The following ERC1 variants were observed in gnomAD, a reference collection of about 807,000 sequenced individuals.
ERC1 encodes ELKS/RAB6-interacting/CAST family member 1, also known as RAB6 interacting protein 2.
In ERC1, 56 loss-of-function variants were observed where a neutral mutation model predicts 132.0. The observed-to-expected ratio is 0.42, with a 90% CI of 0.34 to 0.53. ERC1 has a LOEUF of 0.53. Among genes scored for constraint, ERC1 ranks in the 20% least tolerant of loss-of-function variants. The probability of loss-of-function intolerance (pLI) is 0.03; values close to 1 mark genes in which losing one functional copy is unlikely to be tolerated. For synonymous variants in ERC1, 478 were observed against 476.1 expected, an observed-to-expected ratio of 1.00 and a Z score of -0.05; for missense variants, 1,202 against 1,349.9, an observed-to-expected ratio of 0.89 and a Z score of 1.72.
At chr12:1,387,145 A>C (rs980098782) in intron 16 of ERC1, among the ~76,000 whole-genome samples, 3 of 151,870 alleles carry the variant, frequency 2.0e-5, no homozygotes, top group African/African-American at 7.3e-5. Context: ...TCTGTTTCGC[A>C]TATTGACAGA....
chr12:1,130,182 C>G (rs775375494), intron 7 of ERC1, among the ~76,000 whole-genome samples: 1 of 152,222 alleles, frequency 6.6e-6, no homozygotes, highest in South Asian at 2.1e-4. Context: ...TGTGTGAAGA[C>G]AGAAATTGTA....
intron 15 of ERC1, among the ~76,000 whole-genome samples, chr12:1,333,853 A>G (rs1361159635): frequency 2.0e-5 from 3 of 152,208 alleles, no homozygotes; most frequent in Admixed American, 6.5e-5. Flanking sequence ...TGGTTGAACT[A>G]ATTTACACTC....
At chr12:1,084,123 G>A (rs1343445842) in intron 3 of ERC1, among the ~76,000 whole-genome samples, 2 of 152,198 alleles carry the variant, frequency 1.3e-5, no homozygotes, top group Non-Finnish European at 1.5e-5. Context: ...AGAGAGTGAT[G>A]TAGAGACACA....
At chr12:1,104,026 T>A (rs1326974576) in intron 3 of ERC1, among the ~76,000 whole-genome samples, 1 of 151,710 alleles carries the variant, frequency 6.6e-6, no homozygotes, top group Non-Finnish European at 1.5e-5. Flanking sequence ...TTAGAGACAT[T>A]CACAGAGTCT....
intron 2 of ERC1, among the ~76,000 whole-genome samples, chr12:1,066,571 T>G (rs995066479): frequency 6.6e-6 from 1 of 152,168 alleles, no homozygotes; most frequent in Non-Finnish European, 1.5e-5. Context: ...GTGCGGTGGC[T>G]CACGCCTGTA....
intron 14 of ERC1, among the ~76,000 whole-genome samples, chr12:1,274,919 A>G (rs1371864135): frequency 6.6e-6 from 1 of 152,200 alleles, no homozygotes; most frequent in Non-Finnish European, 1.5e-5. Context: ...GACCCTAATG[A>G]TGGAAATAGT....
intron 4 of ERC1, among the ~76,000 whole-genome samples, chr12:1,106,183 T>G (rs12298564): frequency 0.058 from 8,812 of 152,254 alleles, 862 homozygotes; most frequent in African/African-American, 0.2. Context: ...ACTCATCCAG[T>G]GGGTCGTTTT....
chr12:1,461,655 G>A lies in ERC1; in HGVS notation c.3213+16905G>A, dbSNP rs573515841. Among the ~76,000 whole-genome samples the A allele has an allele frequency of 8.5e-5, 13 of 152,168 alleles. No individual in the cohort carries two copies. In the East Asian group the frequency reaches 1.5e-3, roughly 18 times the overall value. ...GCACTCCAGCCTGGGAGACAAGAGC[G>A]AAACTCTGTCTCAAAAAATAATAAT... On this transcript the variant is annotated intron_variant, in intron 18 of 18. Transcript: ENST00000360905.
chr12:1,338,880 C>T (rs1036507726), intron 15 of ERC1, among the ~76,000 whole-genome samples: 1 of 152,184 alleles, frequency 6.6e-6, no homozygotes, highest in African/African-American at 2.4e-5. Context: ...TGGGCAATGA[C>T]TTTGTTCTCT....
intron 14 of ERC1, among the ~76,000 whole-genome samples, chr12:1,274,393 T>G (rs908548117): frequency 2.0e-5 from 3 of 152,154 alleles, no homozygotes; most frequent in African/African-American, 7.2e-5. Context: ...ATAAAAAAAG[T>G]ATAGTATTTT....
At chr12:1,154,441 A>G (rs1350373866) in intron 8 of ERC1, among the ~76,000 whole-genome samples, 2 of 151,866 alleles carry the variant, frequency 1.3e-5, no homozygotes, top group African/African-American at 4.8e-5. Flanking sequence ...TTAATCTAAG[A>G]CCCGAAACCA....
intron 17 of ERC1, among the ~76,000 whole-genome samples, chr12:1,419,361 G>C (rs141849879): frequency 6.6e-6 from 1 of 151,538 alleles, no homozygotes; most frequent in Non-Finnish European, 1.5e-5. Context: ...AAAATTATAC[G>C]TCCTGGATAC....
chr12:1,185,501 A>AC (rs1333912698), intron 11 of ERC1, among the ~76,000 whole-genome samples: 1 of 120,986 alleles, frequency 8.3e-6, no homozygotes, highest in East Asian at 2.0e-4. Flanking sequence ...CATTTTCTGT[A>AC]CTTTTCTTTC....
At chr12:1,309,140 C>G (rs975446670) in intron 15 of ERC1, among the ~76,000 whole-genome samples, 1 of 152,180 alleles carries the variant, frequency 6.6e-6, no homozygotes, top group African/African-American at 2.4e-5. Flanking sequence ...TATAAGCTAC[C>G]TAGTTTATGA....
At chr12:1,167,942 C>T (rs1952603423) in intron 8 of ERC1, among the ~76,000 whole-genome samples, 1 of 152,034 alleles carries the variant, frequency 6.6e-6, no homozygotes, top group Non-Finnish European at 1.5e-5. Flanking sequence ...TCTCGATCTC[C>T]TGACCTTGTG....
chr12:1,288,630 T>G (rs1349934026), intron 14 of ERC1, among the ~76,000 whole-genome samples: 1 of 152,220 alleles, frequency 6.6e-6, no homozygotes, highest in East Asian at 1.9e-4. Flanking sequence ...CAACTTTGAT[T>G]TGTCATGCTG....
chr12:1,388,896 C>G (rs1376893441), intron 16 of ERC1, among the ~76,000 whole-genome samples: 1 of 152,202 alleles, frequency 6.6e-6, no homozygotes, highest in Non-Finnish European at 1.5e-5. Context: ...TTCTTGGTTA[C>G]ACAAAGTCCA....
At chr12:1,112,057 GAAA>G in intron 5 of ERC1, among the ~76,000 whole-genome samples, 155 bp from the exon 6 acceptor site, 1 of 151,674 alleles carries the variant, frequency 6.6e-6, no homozygotes, top group Admixed American at 6.6e-5. Context: ...TGTGAACTTA[GAAA>G]CTACCTATGG....
chr12:1,462,211 T>A (rs974336689), intron 18 of ERC1, among the ~76,000 whole-genome samples: 1 of 152,206 alleles, frequency 6.6e-6, no homozygotes, highest in Admixed American at 6.5e-5. Flanking sequence ...CGTGAAGATA[T>A]GGAGCAACTG....
Sources: gnomAD v4.1 joint callset for allele counts (sites outside exome capture counted in the v4.1 genomes callset) on GRCh38, gnomAD v4.1.1 for gene constraint, MANE v1.5 for transcripts, NCBI Gene and HGNC (gene_info 2026-07-23, HGNC 2026-07-21) for gene names.